Variants in EMILIN2 observed in about 807,000 individuals in gnomAD.
The protein encoded by EMILIN2 is EMILIN-2.
Under a neutral mutation model 87.1 loss-of-function variants are expected in EMILIN2, and 71 were observed. That is an observed-to-expected ratio of 0.82 (90% CI 0.67 to 0.99). The LOEUF (loss-of-function observed/expected upper bound fraction) is 0.99, where lower values mean the gene tolerates loss of function less well. Ranked by LOEUF, EMILIN2 falls within the 50% of genes least tolerant of loss-of-function variation. The probability of loss-of-function intolerance (pLI) is 0.00; values close to 1 mark genes in which losing one functional copy is unlikely to be tolerated. For missense variants in EMILIN2, 1,407 were observed against 1,371.8 expected (o/e 1.03, Z -0.40); for synonymous variants, 581 against 563.4 (o/e 1.03, Z -0.44).
intron 4 of EMILIN2, among the ~76,000 whole-genome samples, chr18:2,893,721 T>C (rs1311352649): frequency 6.6e-6 from 1 of 152,188 alleles, no homozygotes; most frequent in African/African-American, 2.4e-5. Context: ...ACACTTTCTA[T>C]GTACAGCACT....
chr18:2,868,389 G>A (rs993786401), intron 2 of EMILIN2, among the ~76,000 whole-genome samples: 3 of 152,198 alleles, frequency 2.0e-5, no homozygotes, highest in African/African-American at 2.4e-5. Flanking sequence ...TCACTTCCCC[G>A]ACAGGGTGGC....
At chr18:2,865,899 G>A (rs554463875) in intron 2 of EMILIN2, among the ~76,000 whole-genome samples, 89 of 152,316 alleles carry the variant, frequency 5.8e-4, no homozygotes, top group Non-Finnish European at 1.0e-3. Flanking sequence ...CTACTCAAGC[G>A]TCGGCAATGG....
intron 7 of EMILIN2, among the ~76,000 whole-genome samples, chr18:2,911,274 T>C (rs541492331): frequency 3.0e-4 from 45 of 152,280 alleles, no homozygotes; most frequent in African/African-American, 1.1e-3. Flanking sequence ...CACAGGGGCC[T>C]ACCAGTGCCT....
intron 4 of EMILIN2, among the ~76,000 whole-genome samples, chr18:2,896,763 T>C (rs1333557360): frequency 6.6e-6 from 1 of 151,916 alleles, no homozygotes; most frequent in Non-Finnish European, 1.5e-5. Flanking sequence ...GCATGTGCTG[T>C]AATTACATGT....
intron 2 of EMILIN2, among the ~76,000 whole-genome samples, chr18:2,867,883 G>GCA (rs2076694962): frequency 4.6e-5 from 7 of 152,110 alleles, no homozygotes; most frequent in Non-Finnish European, 8.8e-5. Flanking sequence ...CCCAGAGTGG[G>GCA]TGGTGGCCGG....
intron 4 of EMILIN2, among the ~76,000 whole-genome samples, chr18:2,899,884 G>C (rs1395488454): frequency 6.6e-6 from 1 of 152,234 alleles, no homozygotes; most frequent in Non-Finnish European, 1.5e-5. Flanking sequence ...CTCTGTCGGG[G>C]TTCTGTGATA....
chr18:2,888,639 CA>C (rs2076815223), intron 3 of EMILIN2, among the ~76,000 whole-genome samples: 1 of 149,224 alleles, frequency 6.7e-6, no homozygotes, highest in Non-Finnish European at 1.5e-5. Flanking sequence ...GGCGTGAACC[CA>C]AGAGGCAGAG....
rs73367887 is a variant in EMILIN2, at chr18:2,848,959, G to A, written c.257+1028G>A. ...GAAGTGGTCGCTGGGTCCACCCCAC[G>A]TGGGCTTCTGGAGGAGCTGCCAACA... On this transcript the variant is annotated intron_variant, in intron 2 of 7. Coordinates refer to ENST00000254528, the MANE Select transcript of EMILIN2 (RefSeq NM_032048.3). This position sits in a 1 kb window ranked among gnomAD's most constrained non-coding sequence, Gnocchi z 4.1. 1.9e-3 allele frequency among the ~76,000 whole-genome samples: 291 copies of A among 152,276 alleles called. 1 individual carries two copies. The highest frequency in any genetic ancestry group is 6.7e-3 in the African/African-American group (279 of 41,548).
In EMILIN2 at chr18:2,890,443, G is replaced by A; in HGVS notation, c.434-118G>A. The stretch of plus-strand genomic sequence containing the variant: ...TACCACAGTACTTACCTACAATTGT[G>A]TAGTGACCTGTAAGTGAAGATGTAC... On this transcript the variant is annotated intron_variant, in intron 3 of 7. Coordinates refer to ENST00000254528, the MANE Select transcript of EMILIN2 (RefSeq NM_032048.3). The surrounding 1 kb of genome is among the most constrained non-coding windows in gnomAD (Gnocchi z 4.7). 8.1e-7 allele frequency: 1 copy of A among 1,230,312 alleles called. No homozygotes were observed. The highest frequency in any genetic ancestry group is 1.6e-5 in the South Asian group (1 of 63,228). 76.2% of individuals were successfully genotyped at this position (1,230,312 alleles called of 1,614,324 possible).
chr18:2,846,376 C>T (rs1321832953), upstream of EMILIN2, among the ~76,000 whole-genome samples: 1 of 152,234 alleles, frequency 6.6e-6, no homozygotes, highest in African/African-American at 2.4e-5. The surrounding 1 kb of genome is among the most constrained non-coding windows in gnomAD (Gnocchi z 5.3). Flanking sequence ...AGGAGAATTG[C>T]AGTAAGTGAT....
chr18:2,869,280 TA>T (rs10532190), intron 2 of EMILIN2, among the ~76,000 whole-genome samples: 9,016 of 149,100 alleles, frequency 0.06, 854 homozygotes, highest in African/African-American at 0.2. Flanking sequence ...ATTACATAGT[TA>T]AAAAAAAAAA....
chr18:2,846,458 C>T (rs995761930), upstream of EMILIN2, among the ~76,000 whole-genome samples: 2 of 152,224 alleles, frequency 1.3e-5, no homozygotes, highest in Non-Finnish European at 2.9e-5. The surrounding 1 kb of genome is among the most constrained non-coding windows in gnomAD (Gnocchi z 5.3). Context: ...CTGCCGCCCC[C>T]CGCGTGGCCT....
At chr18:2,858,583 G>GTGTGTATATATA (rs1180735843) in intron 2 of EMILIN2, among the ~76,000 whole-genome samples, 2 of 63,042 alleles carry the variant, frequency 3.2e-5, no homozygotes, top group African/African-American at 1.9e-4. Context: ...GTGTGTGTGT[G>GTGTGTATATATA]TATATATATA....
At chr18:2,906,708 G>T (rs1290247290) in intron 4 of EMILIN2, 75 bp from the exon 5 acceptor site, 5 of 1,142,762 alleles carry the variant, frequency 4.4e-6, no homozygotes, top group Non-Finnish European at 4.4e-6. Flanking sequence ...GGGACTCATG[G>T]AGGGGACCCT....
chr18:2,903,309 G>C (rs983427564), intron 4 of EMILIN2, among the ~76,000 whole-genome samples: 2 of 152,186 alleles, frequency 1.3e-5, no homozygotes, highest in Admixed American at 6.5e-5. Flanking sequence ...GCTTGGATTA[G>C]AGGGGAAAGG....
chr18:2,861,504 G>C (rs543833554), intron 2 of EMILIN2, among the ~76,000 whole-genome samples: 1 of 152,160 alleles, frequency 6.6e-6, no homozygotes. Flanking sequence ...TTTCCCCATT[G>C]CTTGTTTTTG....
chr18:2,908,675 A>T (rs2076926310), intron 5 of EMILIN2, among the ~76,000 whole-genome samples: 1 of 152,174 alleles, frequency 6.6e-6, no homozygotes, highest in Admixed American at 6.5e-5. Context: ...TCCAGTGCCC[A>T]TCTCTTTCTT....
intron 2 of EMILIN2, among the ~76,000 whole-genome samples, chr18:2,860,047 A>G (rs2076652442): frequency 6.6e-6 from 1 of 152,106 alleles, no homozygotes; most frequent in Non-Finnish European, 1.5e-5. Flanking sequence ...TGCTTTGGCT[A>G]TGTGGGCTCT....
chr18:2,852,456 G>T (rs1392698131), intron 2 of EMILIN2, among the ~76,000 whole-genome samples: 2 of 152,212 alleles, frequency 1.3e-5, no homozygotes, highest in Non-Finnish European at 2.9e-5. Flanking sequence ...TCCAGAAAAA[G>T]AATTTAAAGC....
Sources: allele counts gnomAD v4.1 joint callset (sites outside exome capture counted in the v4.1 genomes callset), GRCh38; gene constraint gnomAD v4.1.1; non-coding constraint Gnocchi (gnomAD v3.1); transcripts MANE v1.5; gene names NCBI Gene and HGNC (gene_info 2026-07-23, HGNC 2026-07-21).